The following CTNNA3 variants were observed in gnomAD, a reference collection of about 807,000 sequenced individuals.
The protein encoded by CTNNA3 is catenin alpha-3.
CTNNA3 carries 76 observed loss-of-function variants against 95.7 expected under a neutral mutation model. The observed-to-expected ratio is 0.79, with a 90% CI of 0.66 to 0.96. The LOEUF is 0.96. CTNNA3 is among the 40% of genes least tolerant of loss of function. CTNNA3 has a pLI of 0.00. For missense variants in CTNNA3, 1,191 were observed against 1,089.8 expected, an observed-to-expected ratio of 1.09 and a Z score of -1.31; for synonymous variants, 431 against 374.4, an observed-to-expected ratio of 1.15 and a Z score of -1.74.
At chr10:66,697,756 T>C (rs1341975623) in intron 9 of CTNNA3, among the ~76,000 whole-genome samples, 2 of 152,162 alleles carry the variant, frequency 1.3e-5, no homozygotes, top group East Asian at 3.9e-4. Context: ...ACTACCTCTT[T>C]GAAGCAATTT....
intron 7 of CTNNA3, among the ~76,000 whole-genome samples, chr10:67,042,124 G>C (rs945962799): frequency 2.6e-5 from 4 of 152,114 alleles, no homozygotes; most frequent in African/African-American, 7.2e-5. Context: ...TATGAAAGAA[G>C]AGGATTTTTG....
chr10:67,076,371 G>A (rs1473428797), intron 7 of CTNNA3, among the ~76,000 whole-genome samples: 1 of 152,172 alleles, frequency 6.6e-6, no homozygotes, highest in Non-Finnish European at 1.5e-5. Context: ...CTTGTTCAAG[G>A]TCACTTTGCT....
intron 1 of CTNNA3, among the ~76,000 whole-genome samples, chr10:67,726,589 AAT>A (rs1243107663): frequency 1.5e-5 from 1 of 67,024 alleles, no homozygotes; most frequent in Non-Finnish European, 2.4e-5. Flanking sequence ...TATAATATGT[AAT>A]ATTATATTAC....
chr10:66,212,012 CAG>C (rs1409708207), intron 13 of CTNNA3, among the ~76,000 whole-genome samples: 90 of 97,910 alleles, frequency 9.2e-4, no homozygotes, highest in African/African-American at 3.5e-3. Context: ...TTTTTTGAGA[CAG>C]AGTCTCACTC....
rs141375320 is a variant in CTNNA3, at chr10:66,564,282, G to A, written c.1375-43509C>T. On this transcript the variant is annotated intron_variant, in intron 10 of 17. Coordinates refer to ENST00000433211, the MANE Select transcript of CTNNA3 (RefSeq NM_013266.4). Reference sequence around the variant, plus strand: ...GAGCAAAGTCCTTATTGCTGTGCCTGTGACATACTACAGATCTTGCCTCTA... The same window carrying A: ...GAGCAAAGTCCTTATTGCTGTGCCTATGACATACTACAGATCTTGCCTCTA... 7.9e-3 allele frequency among the ~76,000 whole-genome samples: 1,201 copies of A among 152,206 alleles called. 59 individuals are homozygous for A. Among genetic ancestry groups the A allele is most frequent in the Non-Finnish European group, 1.3e-3 (86 of 68,012 alleles).
chr10:67,259,371 C>T (rs910811911), intron 5 of CTNNA3, among the ~76,000 whole-genome samples: 1 of 151,888 alleles, frequency 6.6e-6, no homozygotes, highest in Non-Finnish European at 1.5e-5. Context: ...TCTAAAACAT[C>T]AAATCTCAAC....
intron 16 of CTNNA3, among the ~76,000 whole-genome samples, chr10:65,968,329 T>C (rs1261466822): frequency 1.3e-5 from 2 of 152,044 alleles, no homozygotes; most frequent in Non-Finnish European, 2.9e-5. Flanking sequence ...TGAGCCATGA[T>C]TGCAACACTG....
chr10:66,203,894 C>T (rs2087593365), intron 13 of CTNNA3, among the ~76,000 whole-genome samples: 1 of 151,992 alleles, frequency 6.6e-6, no homozygotes, highest in Non-Finnish European at 1.5e-5. Flanking sequence ...TGCTTGTTCA[C>T]CTTTACACAC....
intron 7 of CTNNA3, among the ~76,000 whole-genome samples, chr10:66,841,315 TATTA>T (rs1411732946): frequency 6.6e-6 from 1 of 152,152 alleles, no homozygotes; most frequent in East Asian, 1.9e-4. Context: ...CATCCTTATC[TATTA>T]ATTAAAACTC....
chr10:67,670,876 T>C (rs1366651154), intron 1 of CTNNA3, among the ~76,000 whole-genome samples: 1 of 152,196 alleles, frequency 6.6e-6, no homozygotes, highest in East Asian at 1.9e-4. Context: ...ATATATAACT[T>C]TATGTGTATG....
chr10:66,149,199 A>G (rs1237900160), intron 13 of CTNNA3, among the ~76,000 whole-genome samples: 1 of 147,912 alleles, frequency 6.8e-6, no homozygotes, highest in Non-Finnish European at 1.5e-5. Context: ...GTTAATTATA[A>G]CTAGTTATAA....
At chr10:67,576,147 C>T (rs1354807244) in intron 3 of CTNNA3, among the ~76,000 whole-genome samples, 1 of 152,128 alleles carries the variant, frequency 6.6e-6, no homozygotes, top group East Asian at 1.9e-4. Flanking sequence ...TCTTAAGCAG[C>T]CAAGTGTTAT....
intron 1 of CTNNA3, among the ~76,000 whole-genome samples, chr10:67,762,724 A>T (rs1841468799): frequency 6.6e-6 from 1 of 152,198 alleles, no homozygotes; most frequent in Non-Finnish European, 1.5e-5. Context: ...GCAGAAATGA[A>T]ATCCACAGGC....
At chr10:67,041,253 G>A (rs987678154) in intron 7 of CTNNA3, among the ~76,000 whole-genome samples, 1 of 152,060 alleles carries the variant, frequency 6.6e-6, no homozygotes, top group African/African-American at 2.4e-5. Flanking sequence ...GTTAGAATGT[G>A]AACCAACTAG....
intron 7 of CTNNA3, chr10:66,925,909 T>A: frequency 2.4e-6 from 1 of 417,112 alleles, no homozygotes; most frequent in Middle Eastern, 3.5e-4. Flanking sequence ...CCCAAAAGAA[T>A]CATTCATTTT....
intron 9 of CTNNA3, among the ~76,000 whole-genome samples, chr10:66,636,635 GA>G (rs1845347279): frequency 6.6e-6 from 1 of 152,042 alleles, no homozygotes; most frequent in Non-Finnish European, 1.5e-5. Flanking sequence ...AGCTTCTGTT[GA>G]ATACATTTAA....
chr10:66,612,656 A>G (rs1052101543), intron 10 of CTNNA3, among the ~76,000 whole-genome samples: 1 of 152,132 alleles, frequency 6.6e-6, no homozygotes, highest in African/African-American at 2.4e-5. Context: ...GTATCACACA[A>G]CAAATAATTG....
intron 8 of CTNNA3, among the ~76,000 whole-genome samples, chr10:66,773,397 T>C (rs567694733): frequency 1.3e-5 from 2 of 152,304 alleles, no homozygotes; most frequent in South Asian, 4.1e-4. Flanking sequence ...CTCCCTTTTC[T>C]TGGCAACTTG....
chr10:67,089,743 G>GTGTGTGTT (rs1857519816), intron 7 of CTNNA3, among the ~76,000 whole-genome samples: 1 of 151,590 alleles, frequency 6.6e-6, no homozygotes, highest in Non-Finnish European at 1.5e-5. Flanking sequence ...GTGTGTGTGT[G>GTGTGTGTT]TGTGTGTGTG....
Sources: allele counts gnomAD v4.1 joint callset (sites outside exome capture counted in the v4.1 genomes callset), GRCh38; gene constraint gnomAD v4.1.1; transcripts MANE v1.5; gene names NCBI Gene and HGNC (gene_info 2026-07-23, HGNC 2026-07-21).